Variants in TMEM127 observed in about 807,000 individuals in gnomAD.
The protein encoded by TMEM127 is transmembrane protein 127.
A neutral mutation model predicts 20.1 loss-of-function variants in TMEM127; 21 were observed. The observed-to-expected ratio is 1.04, with a 90% CI of 0.74 to 1.50. The LOEUF (loss-of-function observed/expected upper bound fraction) is 1.50. Among genes scored for constraint, TMEM127 ranks in the 40% most tolerant of loss-of-function variants. The pLI, the probability that TMEM127 is intolerant of heterozygous loss-of-function variation, is 0.00. For synonymous variants in TMEM127, 150 were observed against 144.7 expected (o/e 1.04, Z -0.26); for missense variants, 303 against 317.4 (o/e 0.95, Z 0.34).
At chr2:96,255,731 A>G (rs1251115734) in intron 2 of TMEM127, among the ~76,000 whole-genome samples, 2 of 152,092 alleles carry the variant, frequency 1.3e-5, no homozygotes, top group Non-Finnish European at 2.9e-5. Flanking sequence ...GGTTATTAAT[A>G]CTTTGGGTGG....
chr2:96,255,796 A>C (rs149176586), intron 2 of TMEM127, among the ~76,000 whole-genome samples: 1 of 151,970 alleles, frequency 6.6e-6, no homozygotes, highest in Non-Finnish European at 1.5e-5. Flanking sequence ...TGGGCAACAT[A>C]GTGAGACCCC....
At chr2:96,262,517 G>A (rs1684331192) in intron 2 of TMEM127, among the ~76,000 whole-genome samples, 1 of 152,180 alleles carries the variant, frequency 6.6e-6, no homozygotes, top group Non-Finnish European at 1.5e-5. Flanking sequence ...TAGCTCATGA[G>A]GCACCACTGC....
At chr2:96,259,426 G>T (rs1180798814) in intron 2 of TMEM127, among the ~76,000 whole-genome samples, 1 of 152,248 alleles carries the variant, frequency 6.6e-6, no homozygotes, top group African/African-American at 2.4e-5. Flanking sequence ...CTAAAGAGTT[G>T]TGCGTGAATG....
intron 2 of TMEM127, among the ~76,000 whole-genome samples, chr2:96,256,086 C>G (rs1356608569): frequency 6.6e-6 from 1 of 151,236 alleles, no homozygotes; most frequent in Non-Finnish European, 1.5e-5. Context: ...TCTTGGCCAA[C>G]ATGGTGAAAC....
rs1684048774 is a variant in TMEM127 at position 96,249,727 on chromosome 2, G to A, written c.*4081C>T. On this transcript the variant is annotated 3_prime_UTR_variant, in exon 4 of 4. Coordinates refer to ENST00000258439, the MANE Select transcript of TMEM127 (RefSeq NM_017849.4). ...GAAAACAGGGGCATGAAGTTTGTCAGTTCCCTTCTGTCTCCCCATAGCATC... is the reference window on the plus strand; with the variant it reads ...GAAAACAGGGGCATGAAGTTTGTCAATTCCCTTCTGTCTCCCCATAGCATC... The A allele has an allele frequency of 4.3e-6, 1 of 233,092 alleles. No homozygotes were observed. The highest frequency in any genetic ancestry group is 8.5e-6 in the Non-Finnish European group (1 of 117,994). The allele number at this position is 233,092 out of a possible 1,614,324, so 14.4% of individuals were successfully genotyped here.
rs1254057687 is a variant in TMEM127 at position 96,248,798 on chromosome 2, G to A, written c.*5010C>T. 2 of 231,908 alleles carry A rather than the reference G, an allele frequency of 8.6e-6. No individual in the cohort carries two copies. Among genetic ancestry groups the A allele is most frequent in the East Asian group, 1.2e-4 (2 of 16,458 alleles). The allele number at this position is 231,908 out of a possible 1,614,324, so 14.4% of individuals were successfully genotyped here. ...CTTCAGGCCCCATTCTCAGACACCT[G>A]TACAACCCCTTAAGCCAGACGGACT... On this transcript the variant is annotated 3_prime_UTR_variant, in exon 4 of 4. Transcript: ENST00000258439.
At chr2:96,258,312 A>AAAGG (rs1302582576) in intron 2 of TMEM127, among the ~76,000 whole-genome samples, 1 of 151,378 alleles carries the variant, frequency 6.6e-6, no homozygotes, top group African/African-American at 2.5e-5. Flanking sequence ...CTGATGGGGG[A>AAAGG]AAGTCCAGGA....
At chr2:96,254,319 C>T (rs1684156947) in intron 3 of TMEM127, among the ~76,000 whole-genome samples, 2 of 152,180 alleles carry the variant, frequency 1.3e-5, no homozygotes, top group African/African-American at 4.8e-5. Context: ...CTAGGCCAGT[C>T]AGATTCCATC....
rs532585090 is a variant in TMEM127 at position 96,249,890 on chromosome 2, G to A, written c.*3918C>T. 823 of 233,150 alleles carry A rather than the reference G, an allele frequency of 3.5e-3. 2 individuals are homozygous for A. Among genetic ancestry groups the A allele is most frequent in the Non-Finnish European group, 5.3e-3 (623 of 118,014 alleles). The allele number at this position is 233,150 out of a possible 1,614,324, so 14.4% of individuals were successfully genotyped here. A position where few individuals can be genotyped will look rare whatever the true frequency, so the allele number is the denominator to read the frequency against. On this transcript the variant is annotated 3_prime_UTR_variant, in exon 4 of 4. Coordinates refer to ENST00000258439, the MANE Select transcript of TMEM127 (RefSeq NM_017849.4). ...CTGTGTCCCAGGGTCCTCTCCTTGC[G>A]GCCCTTCACATCCCATGGCTTCTCG...
chr2:96,256,987 A>G (rs1684220307), intron 2 of TMEM127, among the ~76,000 whole-genome samples: 1 of 152,206 alleles, frequency 6.6e-6, no homozygotes, highest in Non-Finnish European at 1.5e-5. Context: ...GACAGTGCCA[A>G]CGTGCACACG....
Position 96,251,738 on chromosome 2 carries a change from A to G in TMEM127, c.*2070T>C. On this transcript the variant is annotated 3_prime_UTR_variant, in exon 4 of 4. Coordinates refer to ENST00000258439, the MANE Select transcript of TMEM127 (RefSeq NM_017849.4). ...ACACAACCCGGGGAATTTATATGACAAACTATCAGTGTCAGGATGGCAGAG... is the reference window on the plus strand; with the variant it reads ...ACACAACCCGGGGAATTTATATGACGAACTATCAGTGTCAGGATGGCAGAG... 1 of 232,980 alleles carries G rather than the reference A, an allele frequency of 4.3e-6. No homozygotes were observed. Among genetic ancestry groups the G allele is most frequent in the Admixed American group, 5.6e-5 (1 of 17,766 alleles). The allele number at this position is 232,980 out of a possible 1,614,324, so 14.4% of individuals were successfully genotyped here.
Position 96,249,161 on chromosome 2 carries a change from G to C in TMEM127, c.*4647C>G, listed in dbSNP as rs1363100194. The stretch of plus-strand genomic sequence containing the variant: ...CTGTCAGGCTGGAGTCCAGTGGCAT[G>C]ATCTCGGCTCACTGCAACCTCTGCC... On this transcript the variant is annotated 3_prime_UTR_variant, in exon 4 of 4. Transcript: ENST00000258439. The C allele has an allele frequency of 8.9e-6, 2 of 224,582 alleles. No individual in the cohort carries two copies. Among genetic ancestry groups the C allele is most frequent in the Non-Finnish European group, 1.8e-5 (2 of 112,642 alleles). The allele number at this position is 224,582 out of a possible 1,614,324, so 13.9% of individuals were successfully genotyped here.
chr2:96,265,016 C>T, intron 2 of TMEM127, 122 bp downstream of exon 2: 1 of 1,503,858 alleles, frequency 6.6e-7, no homozygotes, highest in Non-Finnish European at 9.0e-7. Context: ...TGGGCATGAA[C>T]ACCAGGCAGT....
At position 96,261,984 on chromosome 2, in the gene TMEM127, G is replaced by A. The variant is rs564732825; in HGVS notation, c.244+3154C>T. 1.4e-4 allele frequency among the ~76,000 whole-genome samples: 22 copies of A among 152,314 alleles called. No homozygotes were observed. In the South Asian group the frequency reaches 2.1e-3, roughly 14 times the overall value. ...CTCTGGAAGTATCTACATGTGGCCA[G>A]GAGCGGTGGCTCATGCCTGTAATCT... On this transcript the variant is annotated intron_variant, in intron 2 of 3. Transcript: ENST00000258439.
chr2:96,257,305 T>C (rs1684227536), intron 2 of TMEM127, among the ~76,000 whole-genome samples: 1 of 151,362 alleles, frequency 6.6e-6, no homozygotes, highest in Non-Finnish European at 1.5e-5. Context: ...CTACTAAAAA[T>C]ACAAAAATTA....
chr2:96,251,410 C>A lies in TMEM127; in HGVS notation c.*2398G>T, dbSNP rs1382262901. 1 of 198,608 alleles carries A rather than the reference C, an allele frequency of 5.0e-6. No individual in the cohort carries two copies. The highest frequency in any genetic ancestry group is 7.9e-5 in the East Asian group (1 of 12,708). 12.3% of individuals were successfully genotyped at this position (198,608 alleles called of 1,614,324 possible). On this transcript the variant is annotated 3_prime_UTR_variant, in exon 4 of 4. Transcript: ENST00000258439. ...TGGCGCATGCCTGTAATCCCAGCTA[C>A]TCAGGAGGCTGAGGCAGGATAATCG...
chr2:96,252,927 T>C lies in TMEM127; in HGVS notation c.*881A>G, dbSNP rs1011668592. 4.3e-6 allele frequency: 1 copy of C among 233,350 alleles called. No homozygotes were observed. The highest frequency in any genetic ancestry group is 5.6e-5 in the Admixed American group (1 of 17,796). The allele number at this position is 233,350 out of a possible 1,614,324, so 14.5% of individuals were successfully genotyped here. On this transcript the variant is annotated 3_prime_UTR_variant, in exon 4 of 4. Transcript: ENST00000258439. This position sits in a 1 kb window ranked among gnomAD's most constrained non-coding sequence, Gnocchi z 4.2. ...GACTCGGGGAGGGACTACCATGGGC[T>C]TGGAAGGAGCTACAGCCCCAAATAT...
rs1204654443 is a variant in TMEM127, at chr2:96,249,467, GAC to G, written c.*4339_*4340del. The G allele has an allele frequency of 4.5e-6, 1 of 223,930 alleles. No individual in the cohort carries two copies. Among genetic ancestry groups the G allele is most frequent in the Non-Finnish European group, 8.9e-6 (1 of 112,298 alleles). 13.9% of individuals were successfully genotyped at this position (223,930 alleles called of 1,614,324 possible). The stretch of plus-strand genomic sequence containing the variant: ...CGTTTCAGGTGGGCTCATTCAAAAC[GAC>G]ATTTTCAGGCTTGGTGCAGTGGCTC... On this transcript the variant is annotated 3_prime_UTR_variant, in exon 4 of 4. Transcript: ENST00000258439.
chr2:96,265,085 A>T (rs1257497257), intron 2 of TMEM127, 53 bp downstream of exon 2: 6 of 1,607,520 alleles, frequency 3.7e-6, no homozygotes, highest in Non-Finnish European at 5.1e-6. Context: ...CTTCAGCCAG[A>T]ACACATTCTG....
Sources: gnomAD v4.1 joint callset for allele counts (sites outside exome capture counted in the v4.1 genomes callset) on GRCh38, gnomAD v4.1.1 for gene constraint, Gnocchi (gnomAD v3.1) non-coding constraint, MANE v1.5 for transcripts, NCBI Gene and HGNC (gene_info 2026-07-23, HGNC 2026-07-21) for gene names.